PDE4D: variants seen among roughly 807,000 people sequenced by gnomAD.
PDE4D encodes 3',5'-cyclic-AMP phosphodiesterase 4D.
A neutral mutation model predicts 87.4 loss-of-function variants in PDE4D; 24 were observed. The ratio of observed to expected loss-of-function variants is 0.27; its 90% CI spans 0.20 to 0.39. The LOEUF (loss-of-function observed/expected upper bound fraction) is 0.39, where lower values mean the gene tolerates loss of function less well. Ranked by LOEUF, PDE4D falls within the 10% of genes least tolerant of loss-of-function variation. The pLI, the probability that PDE4D is intolerant of heterozygous loss-of-function variation, is 1.00. For synonymous variants in PDE4D, 384 were observed against 383.2 expected (o/e 1.00, Z -0.02); for missense variants, 714 against 1,041.0 (o/e 0.69, Z 4.32).
intron 1 of PDE4D, among the ~76,000 whole-genome samples, chr5:59,274,634 G>GA (rs1173226057): frequency 2.6e-5 from 4 of 151,630 alleles, no homozygotes; most frequent in South Asian, 4.2e-4. Context: ...ACCTATTGTA[G>GA]AAAAAAAAGT....
intron 1 of PDE4D, among the ~76,000 whole-genome samples, chr5:59,324,419 C>T (rs562063113): frequency 6.6e-6 from 1 of 152,244 alleles, no homozygotes; most frequent in East Asian, 1.9e-4. Context: ...ATTGTCTCAG[C>T]TAATCATGAA....
intron 1 of PDE4D, among the ~76,000 whole-genome samples, chr5:60,402,479 C>T (rs1741177086): frequency 6.6e-6 from 1 of 152,174 alleles, no homozygotes; most frequent in South Asian, 2.1e-4. Flanking sequence ...TACCCTTGTT[C>T]CGTGGGACAC....
chr5:60,480,006 G>A (rs1748607008), intron 1 of PDE4D, among the ~76,000 whole-genome samples: 1 of 152,214 alleles, frequency 6.6e-6, no homozygotes, highest in African/African-American at 2.4e-5. Flanking sequence ...GTAGACTGAA[G>A]TCCAAACCCT....
chr5:59,626,735 TAG>T (rs1333654126), intron 1 of PDE4D, among the ~76,000 whole-genome samples: 1 of 152,196 alleles, frequency 6.6e-6, no homozygotes, highest in Non-Finnish European at 1.5e-5. Context: ...AGTATGAGAA[TAG>T]AGTCAATATT....
At chr5:59,495,361 C>A (rs1164854380) in intron 1 of PDE4D, among the ~76,000 whole-genome samples, 1 of 152,134 alleles carries the variant, frequency 6.6e-6, no homozygotes, top group African/African-American at 2.4e-5. Context: ...TTTATTACCC[C>A]CTGGCCCTGT....
At chr5:59,743,179 A>T (rs984370606) in intron 1 of PDE4D, among the ~76,000 whole-genome samples, 1 of 152,158 alleles carries the variant, frequency 6.6e-6, no homozygotes, top group Non-Finnish European at 1.5e-5. Flanking sequence ...AAAACACATT[A>T]CAGATAGACA....
intron 1 of PDE4D, among the ~76,000 whole-genome samples, chr5:60,468,139 T>TTTTTTTTTTTTTTTTTG (rs1561288697): frequency 8.3e-5 from 12 of 145,440 alleles, no homozygotes; most frequent in South Asian, 4.5e-4. Context: ...TCTTTTTTCT[T>TTTTTTTTTTTTTTTTTG]TTTTTTTTGT....
intron 1 of PDE4D, among the ~76,000 whole-genome samples, chr5:59,542,041 T>C (rs1816444133): frequency 1.3e-5 from 2 of 152,144 alleles, no homozygotes; most frequent in Admixed American, 6.6e-5. Flanking sequence ...GGATCTCCTG[T>C]AACCCCAAAT....
At chr5:60,229,934 T>C (rs901456767) in intron 1 of PDE4D, among the ~76,000 whole-genome samples, 4 of 152,124 alleles carry the variant, frequency 2.6e-5, no homozygotes, top group Non-Finnish European at 5.9e-5. Context: ...TAACTCTTCT[T>C]CATTCTAATG....
rs559630854 is a variant in PDE4D at position 59,991,397 on chromosome 5, C to T, written c.43-2680G>A. 4.6e-5 allele frequency among the ~76,000 whole-genome samples: 7 copies of T among 152,226 alleles called. No homozygotes were observed. In the South Asian group the frequency reaches 1.0e-3, roughly 23 times the overall value. ...GTATGCACCACCTCTGATCCCAATG[C>T]GGAGGGTTTGAACAACACATTTTGA... is the stretch of plus-strand genomic sequence containing the variant. On this transcript the variant is annotated intron_variant, in intron 2 of 16. Coordinates refer to the PDE4D transcript ENST00000502484.
In PDE4D at chr5:59,185,178, G is replaced by A. The variant is rs202215336; in HGVS notation, c.758+11C>T. 2.5e-5 allele frequency: 40 copies of A among 1,605,528 alleles called. No homozygotes were observed. The East Asian group carries it at 5.4e-4, about 22-fold the overall frequency. Reference sequence around the variant, plus strand: ...TCAGCAAAAAAGAGGGGGGAAAAAAGGATATCTTACTTGCTAGGTGCTCGA... The same window carrying A: ...TCAGCAAAAAAGAGGGGGGAAAAAAAGATATCTTACTTGCTAGGTGCTCGA... On this transcript the variant is annotated intron_variant, in intron 4 of 14. Coordinates refer to ENST00000340635, the MANE Select transcript of PDE4D (RefSeq NM_001104631.2).
At chr5:59,581,902 T>C (rs964497160) in intron 1 of PDE4D, among the ~76,000 whole-genome samples, 3 of 152,142 alleles carry the variant, frequency 2.0e-5, no homozygotes, top group Non-Finnish European at 2.9e-5. Flanking sequence ...CTACACTATA[T>C]CTAAACCTGA....
At chr5:59,854,262 A>T (rs188164784) in intron 1 of PDE4D, among the ~76,000 whole-genome samples, 2 of 150,110 alleles carry the variant, frequency 1.3e-5, no homozygotes, top group African/African-American at 5.0e-5. Flanking sequence ...AGTAAAACTA[A>T]TTTTTTCATG....
chr5:59,938,460 A>G (rs967488048), intron 3 of PDE4D, among the ~76,000 whole-genome samples: 1 of 152,228 alleles, frequency 6.6e-6, no homozygotes, highest in African/African-American at 2.4e-5. Context: ...AAAAATGAAG[A>G]ATATGCAATC....
At chr5:60,110,124 G>C (rs1232435851) in intron 2 of PDE4D, among the ~76,000 whole-genome samples, 2 of 151,980 alleles carry the variant, frequency 1.3e-5, no homozygotes, top group Non-Finnish European at 2.9e-5. Context: ...AAAACTATTT[G>C]GCTAAGACTT....
chr5:59,512,332 G>A (rs184424005), intron 1 of PDE4D, among the ~76,000 whole-genome samples: 2 of 152,200 alleles, frequency 1.3e-5, no homozygotes, highest in East Asian at 3.9e-4. Flanking sequence ...CTCTGGGTCA[G>A]TCAAATCAAA....
chr5:60,466,719 T>C (rs1245701660), intron 1 of PDE4D, among the ~76,000 whole-genome samples: 1 of 152,168 alleles, frequency 6.6e-6, no homozygotes, highest in Non-Finnish European at 1.5e-5. Flanking sequence ...CATTATCAAC[T>C]AGGATTGTCT....
intron 1 of PDE4D, among the ~76,000 whole-genome samples, chr5:59,382,316 T>C (rs1160269494): frequency 6.6e-6 from 1 of 152,124 alleles, no homozygotes; most frequent in Non-Finnish European, 1.5e-5. Flanking sequence ...ATATTACTTA[T>C]GAAAGGTGCT....
chr5:59,351,552 T>C (rs1030193514), intron 1 of PDE4D, among the ~76,000 whole-genome samples: 4 of 152,114 alleles, frequency 2.6e-5, no homozygotes, highest in Non-Finnish European at 5.9e-5. Context: ...AGGAGTAATA[T>C]TTGGCAGTAA....
Sources: gnomAD v4.1 joint callset for allele counts (sites outside exome capture counted in the v4.1 genomes callset) on GRCh38, gnomAD v4.1.1 for gene constraint, MANE v1.5 for transcripts, NCBI Gene and HGNC (gene_info 2026-07-23, HGNC 2026-07-21) for gene names.